Variants in KIAA1217 observed in about 807,000 individuals in gnomAD.
KIAA1217 encodes sickle tail protein homolog.
KIAA1217 carries 88 observed loss-of-function variants against 163.9 expected under a neutral mutation model. The observed-to-expected ratio is 0.54, with a 90% CI of 0.45 to 0.64. The LOEUF (loss-of-function observed/expected upper bound fraction) is 0.64. KIAA1217 is among the 30% of genes least tolerant of loss of function. The pLI is 0.00. For missense variants in KIAA1217, 2,372 were observed against 2,475.0 expected (o/e 0.96, Z 0.88); for synonymous variants, 903 against 923.1 (o/e 0.98, Z 0.39).
intron 1 of KIAA1217, among the ~76,000 whole-genome samples, chr10:24,005,328 C>T (rs938390398): frequency 1.3e-5 from 2 of 152,084 alleles, no homozygotes; most frequent in Non-Finnish European, 2.9e-5. Context: ...AATTACCTCC[C>T]CTAATTAGTT....
chr10:24,477,238 G>A (rs763391349), intron 6 of KIAA1217, among the ~76,000 whole-genome samples: 2 of 152,132 alleles, frequency 1.3e-5, no homozygotes, highest in African/African-American at 2.4e-5. Flanking sequence ...TTTATTGAGA[G>A]CCTTTTATGA....
At chr10:24,312,138 C>T (rs80105745) in intron 2 of KIAA1217, among the ~76,000 whole-genome samples, 2,279 of 152,256 alleles carry the variant, frequency 0.015, 60 homozygotes, top group East Asian at 0.12. Context: ...ACCCGAGATG[C>T]CTGCTCTCTC....
At chr10:24,179,166 A>G (rs11013936) in intron 2 of KIAA1217, among the ~76,000 whole-genome samples, 2,848 of 152,338 alleles carry the variant, frequency 0.019, 66 homozygotes, top group Non-Finnish European at 0.023. Context: ...CATTTTAACA[A>G]AGAGCAATAC....
At chr10:24,035,525 G>T (rs1345386677) in intron 2 of KIAA1217, among the ~76,000 whole-genome samples, 1 of 152,148 alleles carries the variant, frequency 6.6e-6, no homozygotes, top group Non-Finnish European at 1.5e-5. Flanking sequence ...CTGATACACT[G>T]GGAAGAGACT....
chr10:24,177,860 A>G (rs564875498), intron 2 of KIAA1217, among the ~76,000 whole-genome samples: 19 of 152,308 alleles, frequency 1.2e-4, no homozygotes, highest in African/African-American at 4.3e-4. Flanking sequence ...AAGTGATACC[A>G]TATGTTGGTT....
intron 2 of KIAA1217, among the ~76,000 whole-genome samples, chr10:24,311,079 G>A (rs12258036): frequency 0.44 from 66,195 of 151,956 alleles, 14,645 homozygotes; most frequent in Admixed American, 0.52. Flanking sequence ...GTCCATCAGG[G>A]TTCTCCTTGA....
At chr10:24,521,735 G>C in intron 11 of KIAA1217, 47 bp from the exon 12 acceptor site, 2 of 1,590,860 alleles carry the variant, frequency 1.3e-6, no homozygotes, top group Non-Finnish European at 1.7e-6. Context: ...GAGGGTTGTC[G>C]TTCTGGCTTT....
intron 5 of KIAA1217, among the ~76,000 whole-genome samples, chr10:24,470,880 A>G (rs1354719841): frequency 6.6e-6 from 1 of 152,190 alleles, no homozygotes; most frequent in Non-Finnish European, 1.5e-5. Flanking sequence ...TCCTTCCAGG[A>G]GCAAGATAAG....
At chr10:23,746,487 G>A (rs564245701) in intron 1 of KIAA1217, among the ~76,000 whole-genome samples, 3 of 152,074 alleles carry the variant, frequency 2.0e-5, no homozygotes, top group South Asian at 2.1e-4. Flanking sequence ...GCAGTGGTGC[G>A]ATCTTGGCTC....
intron 2 of KIAA1217, among the ~76,000 whole-genome samples, chr10:24,077,944 G>T (rs2061420056): frequency 6.6e-6 from 1 of 152,136 alleles, no homozygotes; most frequent in South Asian, 2.1e-4. Context: ...ATGATCAGTG[G>T]TGTTGAGCTT....
intron 2 of KIAA1217, among the ~76,000 whole-genome samples, chr10:24,167,280 TGTGC>T (rs1308672444): frequency 2.7e-5 from 2 of 74,468 alleles, no homozygotes; most frequent in Admixed American, 1.3e-4. Flanking sequence ...TTGGTGTGTA[TGTGC>T]GTGTGTGTGT....
At chr10:23,943,525 C>G (rs978182920) in intron 1 of KIAA1217, among the ~76,000 whole-genome samples, 3 of 152,170 alleles carry the variant, frequency 2.0e-5, no homozygotes, top group South Asian at 4.1e-4. Flanking sequence ...AGTCAATATT[C>G]TTAAGATGTC....
intron 1 of KIAA1217, among the ~76,000 whole-genome samples, chr10:23,993,751 G>C (rs1846334582): frequency 6.6e-6 from 1 of 151,172 alleles, no homozygotes; most frequent in Non-Finnish European, 1.5e-5. Context: ...AAATACATTT[G>C]GATTTTTAGC....
intron 3 of KIAA1217, among the ~76,000 whole-genome samples, chr10:24,430,244 G>A (rs1331443111): frequency 6.6e-6 from 1 of 151,852 alleles, no homozygotes; most frequent in Non-Finnish European, 1.5e-5. Flanking sequence ...TGGCCCCTTT[G>A]CCAGCATTCG....
intron 2 of KIAA1217, among the ~76,000 whole-genome samples, chr10:24,020,837 T>TAAAACAAAAC (rs553820133): frequency 6.6e-6 from 1 of 151,872 alleles, no homozygotes; most frequent in Admixed American, 6.6e-5. Flanking sequence ...AGCAAGTTCC[T>TAAAACAAAAC]AAAACAAAAC....
chr10:24,095,246 C>G (rs2062109314), intron 2 of KIAA1217, among the ~76,000 whole-genome samples: 1 of 152,206 alleles, frequency 6.6e-6, no homozygotes, highest in Admixed American at 6.5e-5. Context: ...CACCCACTGT[C>G]CTGCGCCCAC....
At position 24,210,940 on chromosome 10, in the gene KIAA1217, A is replaced by ATT. The variant is rs56978789; in HGVS notation, c.70+1689_70+1690dup. ...AATTTGAATTTCAGGTAAACGGTGA[A>ATT]TTTTTTTTTTTTTAGTATAAGTATA... On this transcript the variant is annotated intron_variant, in intron 1 of 20. Coordinates refer to ENST00000376454, the MANE Select transcript of KIAA1217 (RefSeq NM_019590.5). 4.1e-3 allele frequency among the ~76,000 whole-genome samples: 610 copies of ATT among 147,668 alleles called. 6 individuals are homozygous for ATT. Among genetic ancestry groups the ATT allele is most frequent in the African/African-American group, 0.013 (524 of 40,328 alleles).
At chr10:24,542,447 C>CA in intron 17 of KIAA1217, 1 of 1,303,116 alleles carries the variant, frequency 7.7e-7, no homozygotes, top group Non-Finnish European at 1.0e-6. Context: ...CACTCCCCTA[C>CA]AAAATTTTAA....
intron 2 of KIAA1217, among the ~76,000 whole-genome samples, chr10:24,373,202 A>G (rs1314714597): frequency 6.6e-6 from 1 of 152,192 alleles, no homozygotes; most frequent in Non-Finnish European, 1.5e-5. Flanking sequence ...TCACACATCC[A>G]TCTTCCCAGT....
Sources: gnomAD v4.1 joint callset for allele counts (sites outside exome capture counted in the v4.1 genomes callset) on GRCh38, gnomAD v4.1.1 for gene constraint, MANE v1.5 for transcripts, NCBI Gene and HGNC (gene_info 2026-07-23, HGNC 2026-07-21) for gene names.